The following LRIG1 variants were observed in gnomAD, a reference collection of about 807,000 sequenced individuals.
LRIG1 encodes the protein leucine rich repeats and immunoglobulin like domains 1.
Under a neutral mutation model 99.2 loss-of-function variants are expected in LRIG1, and 48 were observed. That is an observed-to-expected ratio of 0.48 (90% confidence interval 0.38 to 0.62). LRIG1 has a LOEUF of 0.62. Ranked by LOEUF, LRIG1 falls within the 20% of genes least tolerant of loss-of-function variation. LRIG1 has a pLI of 0.00. For synonymous variants in LRIG1, 772 were observed against 596.1 expected (o/e 1.29, Z -4.30); for missense variants, 1,646 against 1,434.4 (o/e 1.15, Z -2.38).
At chr3:66,476,649 A>G (rs1700729191) in intron 1 of LRIG1, among the ~76,000 whole-genome samples, 1 of 152,212 alleles carries the variant, frequency 6.6e-6, no homozygotes, top group African/African-American at 2.4e-5. Flanking sequence ...AAGCACTAGA[A>G]AAAGATGGCT....
intron 2 of LRIG1, among the ~76,000 whole-genome samples, chr3:66,457,669 T>C (rs1188100466): frequency 6.6e-6 from 1 of 152,218 alleles, no homozygotes; most frequent in African/African-American, 2.4e-5. Context: ...AAGCAAACGC[T>C]GAGGCACTAA....
rs747564790 is a variant in LRIG1, at chr3:66,381,596, G to A, written c.2653C>T (p.Pro885Ser). 1 of 1,614,058 alleles carries A rather than the reference G, an allele frequency of 6.2e-7. No homozygotes were observed. Among genetic ancestry groups the A allele is most frequent in the Non-Finnish European group, 8.5e-7 (1 of 1,179,904 alleles). Reference sequence around the variant, plus strand: ...CTGCAGGCAACGCTGTGAGTGTCGGGCTCTGGAAAGTGGCTTGCATCTCTT... The same window carrying A: ...CTGCAGGCAACGCTGTGAGTGTCGGACTCTGGAAAGTGGCTTGCATCTCTT... Reference protein sequence around the residue: ...CPRDASHFPEPDTHSVACRQP... With the variant: ...CPRDASHFPESDTHSVACRQP... The change falls in exon 17 of 19, where the codon CCC (proline) becomes TCC (serine). Residue 885 changes from proline (P) to serine (S), a missense_variant. Coordinates refer to ENST00000273261, the MANE Select transcript of LRIG1 (RefSeq NM_015541.3).
chr3:66,444,334 A>G (rs1389222365), intron 3 of LRIG1, among the ~76,000 whole-genome samples: 1 of 152,046 alleles, frequency 6.6e-6, no homozygotes, highest in African/African-American at 2.4e-5. Context: ...TGAGCCACCC[A>G]GGTCTGTTCT....
intron 10 of LRIG1, among the ~76,000 whole-genome samples, chr3:66,398,719 G>T (rs549591366): frequency 1.3e-5 from 2 of 152,358 alleles, no homozygotes; most frequent in African/African-American, 4.8e-5. Context: ...CAGCAGGAGG[G>T]GGGAGGGTAT....
intron 1 of LRIG1, among the ~76,000 whole-genome samples, chr3:66,484,823 A>G (rs1700934364): frequency 6.6e-6 from 1 of 152,122 alleles, no homozygotes; most frequent in Non-Finnish European, 1.5e-5. Flanking sequence ...TCTGCATAAC[A>G]AAGTGAAATA....
intron 1 of LRIG1, among the ~76,000 whole-genome samples, chr3:66,491,476 AT>A (rs1487785515): frequency 6.6e-6 from 1 of 152,170 alleles, no homozygotes; most frequent in Non-Finnish European, 1.5e-5. Context: ...AAGAAAAAAA[AT>A]CTGTATTTTG....
chr3:66,391,061 T>G (rs909728239), intron 12 of LRIG1, among the ~76,000 whole-genome samples: 7 of 152,132 alleles, frequency 4.6e-5, no homozygotes, highest in Non-Finnish European at 8.8e-5. Context: ...GGTGAAAACA[T>G]GCCTAACATC....
intron 2 of LRIG1, 139 bp downstream of exon 2, chr3:66,462,299 A>G (rs1700372657): frequency 1.5e-6 from 1 of 667,436 alleles, no homozygotes; most frequent in East Asian, 2.7e-5. Context: ...AGAATTCATC[A>G]ACACAGTCCA....
At chr3:66,386,331 C>G in intron 12 of LRIG1, 30 bp from the exon 13 acceptor site, 1 of 1,593,696 alleles carries the variant, frequency 6.3e-7, no homozygotes, top group Non-Finnish European at 8.6e-7. Flanking sequence ...CTGTAAAGCG[C>G]TGGGTTCTTG....
intron 3 of LRIG1, among the ~76,000 whole-genome samples, chr3:66,435,002 A>G (rs756383130): frequency 3.3e-5 from 5 of 152,228 alleles, no homozygotes; most frequent in Non-Finnish European, 7.3e-5. Flanking sequence ...TGTTCATAGC[A>G]GTATTTTTTA....
intron 1 of LRIG1, among the ~76,000 whole-genome samples, chr3:66,478,761 G>A (rs754195818): frequency 5.3e-5 from 8 of 151,956 alleles, no homozygotes; most frequent in South Asian, 2.1e-4. Flanking sequence ...GTATGTCCCC[G>A]CAGGCCTTTT....
At chr3:66,460,186 G>A (rs1281120333) in intron 2 of LRIG1, among the ~76,000 whole-genome samples, 2 of 152,156 alleles carry the variant, frequency 1.3e-5, no homozygotes, top group East Asian at 3.9e-4. Context: ...AGATGCTCGA[G>A]TAAGTATTCA....
At chr3:66,416,928 GC>G (rs1324040038) in intron 4 of LRIG1, among the ~76,000 whole-genome samples, 200 bp downstream of exon 4, 3 of 152,244 alleles carry the variant, frequency 2.0e-5, no homozygotes, top group African/African-American at 7.2e-5. Context: ...GGATAATGCT[GC>G]AGGATCTGGA....
At chr3:66,408,053 T>A (rs1242946522) in intron 7 of LRIG1, among the ~76,000 whole-genome samples, 2 of 152,182 alleles carry the variant, frequency 1.3e-5, no homozygotes, top group African/African-American at 4.8e-5. Context: ...CCCATCCACG[T>A]GGACCTCAGA....
intron 1 of LRIG1, among the ~76,000 whole-genome samples, chr3:66,466,406 T>A (rs1444846786): frequency 6.6e-6 from 1 of 152,242 alleles, no homozygotes; most frequent in Non-Finnish European, 1.5e-5. Flanking sequence ...ATTTTGTGTA[T>A]CCATTCATCA....
chr3:66,500,972 C>G lies in LRIG1; in HGVS notation c.-565G>C, dbSNP rs965358007. The G allele has an allele frequency of 6.6e-6, 1 of 152,262 alleles. No homozygotes were observed. The highest frequency in any genetic ancestry group is 2.1e-4 in the South Asian group (1 of 4,830). 9.4% of individuals were successfully genotyped at this position (152,262 alleles called of 1,614,324 possible). A position where few individuals can be genotyped will look rare whatever the true frequency, so the allele number is the denominator to read the frequency against. On this transcript the variant is annotated 5_prime_UTR_variant, in exon 1 of 19. Coordinates refer to ENST00000273261, the MANE Select transcript of LRIG1 (RefSeq NM_015541.3). The stretch of plus-strand genomic sequence containing the variant: ...AGCCTCGGGTTCCGCACGGCTCCTC[C>G]GCGCAGCAAGAGTCCCGCCGACCTC...
chr3:66,488,472 AAC>A lies in LRIG1; in HGVS notation c.218+11716_218+11717del, dbSNP rs1230926146. On this transcript the variant is annotated intron_variant, in intron 1 of 18. Transcript: ENST00000273261. The stretch of plus-strand genomic sequence containing the variant: ...TAAAACCCTGTCTCTACTAAAAAAA[AAC>A]AAAAAAAAAAAAATTAGCCTGGCTT... 6.3e-4 allele frequency among the ~76,000 whole-genome samples: 90 copies of A among 143,018 alleles called. 12 individuals carry two copies. The highest frequency in any genetic ancestry group is 7.3e-4 in the Non-Finnish European group (47 of 64,048). 93.8% of individuals were successfully genotyped at this position (143,018 alleles called of 152,430 possible).
Position 66,415,000 on chromosome 3 carries a change from C to A in LRIG1, c.567G>T (p.Ser189=). The part of the protein sequence containing the change: ...ELGAFDGLSR[S]LLTLRLSKNR... ...TTTTGCTCAGGCGAAGAGTTAGCAG[C>A]GACCGTGACAGACCATCAAATGCTC... The change falls in exon 5 of 19, where the codon TCG becomes TCT. Residue 189 remains serine (S), a synonymous_variant. Transcript: ENST00000273261. 6.2e-7 allele frequency: 1 copy of A among 1,612,732 alleles called. No individual in the cohort carries two copies. The highest frequency in any genetic ancestry group is 8.5e-7 in the Non-Finnish European group (1 of 1,179,272).
chr3:66,461,105 G>A (rs1201086906), intron 2 of LRIG1, among the ~76,000 whole-genome samples: 1 of 152,154 alleles, frequency 6.6e-6, no homozygotes, highest in Non-Finnish European at 1.5e-5. Flanking sequence ...GAGGTCAGGA[G>A]TTCAAGACCA....
Sources: allele counts gnomAD v4.1 joint callset (sites outside exome capture counted in the v4.1 genomes callset), GRCh38; gene constraint gnomAD v4.1.1; transcripts MANE v1.5; gene names NCBI Gene and HGNC (gene_info 2026-07-23, HGNC 2026-07-21).